PRKRA: variants seen among roughly 807,000 people sequenced by gnomAD.
The protein encoded by PRKRA is protein activator of interferon induced protein kinase EIF2AK2.
Under a neutral mutation model 32.4 loss-of-function variants are expected in PRKRA, and 22 were observed. The ratio of observed to expected loss-of-function variants is 0.68; its 90% CI spans 0.49 to 0.97. The LOEUF (loss-of-function observed/expected upper bound fraction) is 0.97, where lower values mean the gene tolerates loss of function less well. Among genes scored for constraint, PRKRA ranks in the 50% least tolerant of loss-of-function variants. The pLI, the probability that PRKRA is intolerant of heterozygous loss-of-function variation, is 0.00. For missense variants in PRKRA, 319 were observed against 375.6 expected (o/e 0.85, Z 1.25); for synonymous variants, 139 against 129.8 (o/e 1.07, Z -0.48).
At chr2:178,449,223 G>A (rs1258838050) in intron 2 of PRKRA, among the ~76,000 whole-genome samples, 4 of 147,534 alleles carry the variant, frequency 2.7e-5, no homozygotes, top group Non-Finnish European at 4.5e-5. Flanking sequence ...TTCCTATCTA[G>A]AAATAGACTA....
At chr2:178,450,623 T>TA in intron 1 of PRKRA, 1 of 1,455,500 alleles carries the variant, frequency 6.9e-7, no homozygotes, top group Non-Finnish European at 9.0e-7. Flanking sequence ...GCGAGGTCTT[T>TA]AGAGAGAGCA....
chr2:178,440,204 TTA>T (rs964393755), intron 6 of PRKRA: 3 of 152,242 alleles, frequency 2.0e-5, no homozygotes, highest in African/African-American at 7.2e-5. Context: ...ATGCAGTGTT[TTA>T]TATTTTTCTA....
At chr2:178,443,033 C>T (rs145627874) in intron 5 of PRKRA, among the ~76,000 whole-genome samples, 7 of 152,192 alleles carry the variant, frequency 4.6e-5, no homozygotes, top group Admixed American at 2.0e-4. Context: ...ACAGAGCCAA[C>T]AGTTTGTCTT....
At chr2:178,439,085 T>A (rs1298005302) in intron 6 of PRKRA, 1 of 152,200 alleles carries the variant, frequency 6.6e-6, no homozygotes, top group Non-Finnish European at 1.5e-5. Flanking sequence ...GTCCTACGCA[T>A]TTCTTTCTAA....
rs752846359 is a variant in PRKRA at position 178,444,495 on chromosome 2, G to C, written c.323C>G (p.Ala108Gly). 2.3e-5 allele frequency: 37 copies of C among 1,583,922 alleles called. No homozygotes were observed. Among genetic ancestry groups the C allele is most frequent in the Non-Finnish European group, 2.9e-5 (34 of 1,152,754 alleles). Residue 108 changes from alanine (A) to glycine (G), a missense_variant, in exon 4 of 8, where the codon GCA (alanine) becomes GGA (glycine). Physicochemically the swap from Ala to Gly is moderately conservative, Grantham distance 60 (BLOSUM62 0). Transcript: ENST00000325748. ...ILKANASICF[A>G]VPDPLMPDPS... The stretch of plus-strand genomic sequence containing the variant: ...GTCAGGCATTAAGGGGTCAGGAACT[G>C]CAAAGCTAAATATTTTTTAAAAGTG...
intron 2 of PRKRA, among the ~76,000 whole-genome samples, chr2:178,448,511 T>C (rs1461112196): frequency 6.6e-6 from 1 of 152,018 alleles, no homozygotes; most frequent in Non-Finnish European, 1.5e-5. Flanking sequence ...CAAGCCTAAG[T>C]GCAGGCTGTA....
At chr2:178,443,495 A>AC in intron 4 of PRKRA, 111 bp from the exon 5 acceptor site, 2 of 550,640 alleles carry the variant, frequency 3.6e-6, no homozygotes, top group Non-Finnish European at 6.4e-6. Context: ...AAGAATAGTG[A>AC]TATTCTGCAA....
Position 178,436,330 on chromosome 2 carries a change from G to T in PRKRA, c.610-11C>A, listed in dbSNP as rs750073750. 1.1e-5 allele frequency: 8 copies of T among 757,532 alleles called. No homozygotes were observed. Among genetic ancestry groups the T allele is most frequent in the Non-Finnish European group, 1.5e-5 (8 of 525,534 alleles). 46.9% of individuals were successfully genotyped at this position (757,532 alleles called of 1,614,324 possible). On this transcript the variant is annotated splice_polypyrimidine_tract_variant and intron_variant, in intron 6 of 7. Transcript: ENST00000325748. ...TCCTACTACATTTGTCTGAAAAACA[G>T]AGATGAAGATTTAGACTCTTGACTA...
At chr2:178,443,670 G>A (rs1001516710) in intron 4 of PRKRA, 6 of 344,194 alleles carry the variant, frequency 1.7e-5, no homozygotes, top group East Asian at 7.0e-5. Context: ...GGCTACTACC[G>A]CCCTCTTTGG....
intron 6 of PRKRA, among the ~76,000 whole-genome samples, chr2:178,438,600 G>A (rs1330023818): frequency 6.6e-6 from 1 of 151,636 alleles, no homozygotes; most frequent in African/African-American, 2.4e-5. Flanking sequence ...TTCCTTTTCA[G>A]TTTTCTTGGC....
intron 2 of PRKRA, 81 bp downstream of exon 2, chr2:178,450,161 A>T (rs1401706395): frequency 5.8e-6 from 9 of 1,563,078 alleles, no homozygotes; most frequent in African/African-American, 1.4e-5. Context: ...TGGCAAAAAG[A>T]GAACTTTTCC....
In PRKRA at chr2:178,441,705, CTGAACAA is replaced by C; in HGVS notation, c.515-8_515-2del. 1 of 1,600,592 alleles carries C rather than the reference CTGAACAA, an allele frequency of 6.2e-7. No individual in the cohort carries two copies. Among genetic ancestry groups the C allele is most frequent in the Admixed American group, 1.7e-5 (1 of 59,986 alleles). On this transcript the variant is annotated splice_acceptor_variant and splice_polypyrimidine_tract_variant and intron_variant, in intron 5 of 7. Transcript: ENST00000325748. LOFTEE classifies it high-confidence loss of function. ...GCTTGCTTTTTTGATGCCCCCTTTC[CTGAACAA>C]AGAAAAAGAAATGGTAGATTTAGAA...
chr2:178,440,739 G>C (rs1442864987), intron 6 of PRKRA, among the ~76,000 whole-genome samples: 1 of 152,094 alleles, frequency 6.6e-6, no homozygotes, highest in Non-Finnish European at 1.5e-5. Flanking sequence ...CACTCTCGCA[G>C]GTCTCTTTGA....
chr2:178,436,273 C>T lies in PRKRA; in HGVS notation c.656G>A (p.Arg219Lys), dbSNP rs773385535. 4 of 1,613,790 alleles carry T rather than the reference C, an allele frequency of 2.5e-6. No homozygotes were observed. The African/African-American group carries it at 5.3e-5, about 22-fold the overall frequency. Residue 219 changes from arginine to lysine, a missense_variant, in exon 7 of 8, where the codon AGG (arginine) becomes AAG (lysine). By Grantham distance (26) the Arg-to-Lys change is conservative. Coordinates refer to ENST00000325748, the MANE Select transcript of PRKRA (RefSeq NM_003690.5). ...GTTGATCTTTTCACCAGGAGAATTCCTCAAGGAATGCCAAGTACATCCTAA... is the reference window on the plus strand; with the variant it reads ...GTTGATCTTTTCACCAGGAGAATTCTTCAAGGAATGCCAAGTACATCCTAA... ...HSLGCTWHSLRNSPGEKINLL... is the reference protein window; with the variant it reads ...HSLGCTWHSLKNSPGEKINLL...
intron 3 of PRKRA, chr2:178,447,288 G>A: frequency 1.5e-6 from 1 of 681,638 alleles, no homozygotes; most frequent in South Asian, 2.0e-5. Flanking sequence ...AAACAGTAAA[G>A]CCTAGTTCAT....
Position 178,451,110 on chromosome 2 carries a change from G to C in PRKRA, c.-80C>G. On this transcript the variant is annotated 5_prime_UTR_variant, in exon 1 of 8. Coordinates refer to ENST00000325748, the MANE Select transcript of PRKRA (RefSeq NM_003690.5). ...CGCTCCCCGGGTCGCTGGTCCCCGG[G>C]AGGAGCTCCAGCGCCGCCACCTCCT... 1 of 1,474,118 alleles carries C rather than the reference G, an allele frequency of 6.8e-7. No homozygotes were observed. The highest frequency in any genetic ancestry group is 9.1e-7 in the Non-Finnish European group (1 of 1,103,590). The allele number at this position is 1,474,118 out of a possible 1,614,324, so 91.3% of individuals were successfully genotyped here. A position where few individuals can be genotyped will look rare whatever the true frequency, so the allele number is the denominator to read the frequency against.
intron 5 of PRKRA, among the ~76,000 whole-genome samples, chr2:178,442,182 G>T (rs747362428): frequency 5.9e-5 from 9 of 152,104 alleles, no homozygotes; most frequent in Non-Finnish European, 1.3e-4. Context: ...ACTGTGCCAG[G>T]CCTGTATAGT....
intron 6 of PRKRA, among the ~76,000 whole-genome samples, chr2:178,440,444 C>T (rs1697068601): frequency 6.6e-6 from 1 of 152,136 alleles, no homozygotes; most frequent in Non-Finnish European, 1.5e-5. Flanking sequence ...CTCTTAAGCT[C>T]TGAATTTATT....
intron 4 of PRKRA, 35 bp from the exon 5 acceptor site, chr2:178,443,419 T>C (rs1174144908): frequency 3.1e-6 from 2 of 640,088 alleles, no homozygotes; most frequent in South Asian, 2.0e-5. Flanking sequence ...ATAGTAATTT[T>C]ATGCAATGGC....
Sources: gnomAD v4.1 joint callset for allele counts (sites outside exome capture counted in the v4.1 genomes callset) on GRCh38, gnomAD v4.1.1 for gene constraint, MANE v1.5 for transcripts, NCBI Gene and HGNC (gene_info 2026-07-23, HGNC 2026-07-21) for gene names.